The following SGCZ variants were observed in gnomAD, a reference collection of about 807,000 sequenced individuals.
SGCZ encodes the protein sarcoglycan zeta.
In SGCZ, 40 loss-of-function variants were observed where a neutral mutation model predicts 41.3. The ratio of observed to expected loss-of-function variants is 0.97; its 90% confidence interval spans 0.75 to 1.26. SGCZ has a LOEUF of 1.26. Among genes scored for constraint, SGCZ ranks in the 50% most tolerant of loss-of-function variants. The pLI is 0.00. For missense variants in SGCZ, 552 were observed against 369.8 expected (o/e 1.49, Z -4.04); for synonymous variants, 206 against 137.5 (o/e 1.50, Z -3.49).
At chr8:15,083,465 A>G (rs895138500) in intron 1 of SGCZ, among the ~76,000 whole-genome samples, 1 of 152,174 alleles carries the variant, frequency 6.6e-6, no homozygotes, top group Non-Finnish European at 1.5e-5. Context: ...GCCTCTATAA[A>G]CATGGGAATC....
intron 1 of SGCZ, among the ~76,000 whole-genome samples, chr8:15,071,791 A>G (rs893569517): frequency 6.7e-6 from 1 of 150,116 alleles, no homozygotes; most frequent in African/African-American, 2.5e-5. Flanking sequence ...CTCTTCCCAC[A>G]AAAAAAAGCT....
At chr8:15,114,691 G>A (rs983547882) in intron 1 of SGCZ, among the ~76,000 whole-genome samples, 2 of 151,578 alleles carry the variant, frequency 1.3e-5, no homozygotes, top group African/African-American at 4.8e-5. Flanking sequence ...TGAGCTAAAA[G>A]TTTATACACA....
intron 1 of SGCZ, among the ~76,000 whole-genome samples, chr8:14,742,618 C>G (rs558772691): frequency 1.3e-5 from 2 of 151,986 alleles, no homozygotes; most frequent in Admixed American, 1.3e-4. Flanking sequence ...TGTATACATA[C>G]GTACATAACC....
At chr8:14,630,469 C>T (rs939544535) in intron 1 of SGCZ, among the ~76,000 whole-genome samples, 3 of 152,118 alleles carry the variant, frequency 2.0e-5, no homozygotes, top group Middle Eastern at 3.4e-3. Context: ...TGTGGCGATT[C>T]CTCAAGGATC....
At chr8:14,837,075 C>G (rs1350264013) in intron 1 of SGCZ, among the ~76,000 whole-genome samples, 1 of 152,154 alleles carries the variant, frequency 6.6e-6, no homozygotes, top group Non-Finnish European at 1.5e-5. Context: ...ATACCTGTAG[C>G]TCTTACAATT....
chr8:14,139,820 C>A (rs1215084422), intron 5 of SGCZ, among the ~76,000 whole-genome samples: 1 of 152,178 alleles, frequency 6.6e-6, no homozygotes, highest in Non-Finnish European at 1.5e-5. Flanking sequence ...AGGGAATCCT[C>A]CCTAACTCAT....
chr8:14,615,403 T>C (rs549428938), intron 1 of SGCZ, among the ~76,000 whole-genome samples: 1 of 152,248 alleles, frequency 6.6e-6, no homozygotes, highest in African/African-American at 2.4e-5. Flanking sequence ...AAAAGCTCAC[T>C]GCTCTCACTG....
At chr8:15,099,057 C>T (rs1806499712) in intron 1 of SGCZ, among the ~76,000 whole-genome samples, 1 of 152,012 alleles carries the variant, frequency 6.6e-6, no homozygotes, top group Admixed American at 6.6e-5. Context: ...GACTCCGTCT[C>T]AAAAAAACAA....
At chr8:15,005,320 TTCTTTTTC>T (rs1161734777) in intron 1 of SGCZ, among the ~76,000 whole-genome samples, 1 of 53,698 alleles carries the variant, frequency 1.9e-5, no homozygotes, top group Admixed American at 2.6e-4. Flanking sequence ...CCCCGTTTTT[TTCTTTTTC>T]TTTTTTTTTT....
Position 14,713,839 on chromosome 8 carries a change from A to G in SGCZ, c.40-158913T>C, listed in dbSNP as rs1809600275. Among the ~76,000 whole-genome samples the G allele has an allele frequency of 2.6e-5, 4 of 152,196 alleles. No individual in the cohort carries two copies. The South Asian group carries it at 8.3e-4, about 32-fold the overall frequency. On this transcript the variant is annotated intron_variant, in intron 1 of 7. Transcript: ENST00000382080. Reference sequence around the variant, plus strand: ...TTTTGGGAGTCCTTCAGGGAAAAATAAAACATCCCTGACTTATGATGATTT... The same window carrying G: ...TTTTGGGAGTCCTTCAGGGAAAAATGAAACATCCCTGACTTATGATGATTT...
intron 1 of SGCZ, among the ~76,000 whole-genome samples, chr8:14,670,482 T>C (rs555237288): frequency 6.6e-6 from 1 of 152,318 alleles, no homozygotes; most frequent in South Asian, 2.1e-4. Flanking sequence ...AAAGTTAAAG[T>C]ATTTTCGTCT....
chr8:14,701,846 C>T (rs1291413684), intron 1 of SGCZ, among the ~76,000 whole-genome samples: 2 of 151,930 alleles, frequency 1.3e-5, no homozygotes, highest in African/African-American at 4.8e-5. Flanking sequence ...CATTTTCAGC[C>T]TTTTTTCTCT....
chr8:14,684,488 A>C (rs1333697052), intron 1 of SGCZ, among the ~76,000 whole-genome samples: 1 of 152,158 alleles, frequency 6.6e-6, no homozygotes, highest in Non-Finnish European at 1.5e-5. Context: ...CATTGTAGTG[A>C]GTTGGCTCGT....
chr8:14,940,862 C>A (rs1184415097), intron 1 of SGCZ, among the ~76,000 whole-genome samples: 1 of 151,798 alleles, frequency 6.6e-6, no homozygotes, highest in Non-Finnish European at 1.5e-5. Context: ...CACATATAAA[C>A]CAAAAAGAGA....
At chr8:14,737,110 A>G (rs576182343) in intron 1 of SGCZ, among the ~76,000 whole-genome samples, 3 of 146,524 alleles carry the variant, frequency 2.0e-5, no homozygotes, top group South Asian at 4.3e-4. Flanking sequence ...TACCAGATAC[A>G]TAAGATTTAT....
intron 4 of SGCZ, among the ~76,000 whole-genome samples, chr8:14,183,441 T>C (rs999855070): frequency 6.6e-6 from 1 of 152,148 alleles, no homozygotes; most frequent in African/African-American, 2.4e-5. Context: ...TCAACAGAGA[T>C]AGTACATGAA....
intron 2 of SGCZ, among the ~76,000 whole-genome samples, chr8:14,550,276 G>T (rs539556267): frequency 6.6e-6 from 1 of 151,122 alleles, no homozygotes; most frequent in East Asian, 1.9e-4. Flanking sequence ...CAATATAATG[G>T]TTGAATTGTA....
chr8:14,457,879 C>T (rs1800794056), intron 2 of SGCZ, among the ~76,000 whole-genome samples: 1 of 152,116 alleles, frequency 6.6e-6, no homozygotes, highest in South Asian at 2.1e-4. Flanking sequence ...CTACCGGTCT[C>T]CGCGCATTGG....
chr8:14,100,563 T>TTAC (rs1801986066), intron 7 of SGCZ, among the ~76,000 whole-genome samples: 1 of 107,128 alleles, frequency 9.3e-6, no homozygotes, highest in Non-Finnish European at 2.0e-5. Flanking sequence ...TAATATATTA[T>TTAC]ATATTAATAT....
Sources: allele counts gnomAD v4.1 joint callset (sites outside exome capture counted in the v4.1 genomes callset), GRCh38; gene constraint gnomAD v4.1.1; transcripts MANE v1.5; gene names NCBI Gene and HGNC (gene_info 2026-07-23, HGNC 2026-07-21).